The following GPR139 variants were observed in gnomAD, a reference collection of about 807,000 sequenced individuals.
GPR139 encodes the protein probable G protein-coupled receptor 139.
A neutral mutation model predicts 25.8 loss-of-function variants in GPR139; 12 were observed. That is an observed-to-expected ratio of 0.47 (90% CI 0.30 to 0.75). The LOEUF is 0.75. Among genes scored for constraint, GPR139 ranks in the 30% least tolerant of loss-of-function variants. GPR139 has a pLI of 0.07. For synonymous variants in GPR139, 184 were observed against 179.9 expected (o/e 1.02, Z -0.18); for missense variants, 380 against 450.2 (o/e 0.84, Z 1.41).
intron 1 of GPR139, among the ~76,000 whole-genome samples, chr16:20,038,455 G>A (rs1172562258): frequency 1.3e-5 from 2 of 150,638 alleles, no homozygotes; most frequent in East Asian, 2.0e-4. Context: ...TCTCCATATC[G>A]AAGCTCTTTA....
chr16:20,061,323 G>A (rs1329966938), intron 1 of GPR139, among the ~76,000 whole-genome samples: 5 of 151,050 alleles, frequency 3.3e-5, no homozygotes, highest in African/African-American at 9.7e-5. Flanking sequence ...GGATAGATGC[G>A]TGGATGGATG....
intron 1 of GPR139, among the ~76,000 whole-genome samples, chr16:20,071,311 GCCTT>G (rs1485886207): frequency 6.6e-6 from 1 of 152,208 alleles, no homozygotes; most frequent in African/African-American, 2.4e-5. Flanking sequence ...CTTTGAACCA[GCCTT>G]GTGGGCTGTT....
At chr16:20,071,057 T>C (rs2057457845) in intron 1 of GPR139, 5 of 942,300 alleles carry the variant, frequency 5.3e-6, no homozygotes, top group Non-Finnish European at 6.3e-6. Context: ...AATAAATGAA[T>C]GTCAGGCACC....
At chr16:20,061,935 G>A (rs950072761) in intron 1 of GPR139, among the ~76,000 whole-genome samples, 4 of 152,108 alleles carry the variant, frequency 2.6e-5, no homozygotes, top group South Asian at 2.1e-4. Flanking sequence ...ATGCATCCCC[G>A]GGGAATTTCC....
chr16:20,064,723 T>C (rs1159371914), intron 1 of GPR139, among the ~76,000 whole-genome samples: 1 of 152,188 alleles, frequency 6.6e-6, no homozygotes, highest in Non-Finnish European at 1.5e-5. Context: ...ATAGGAACAC[T>C]GAGGCTCCGA....
chr16:20,050,927 G>A (rs1380982669), intron 1 of GPR139, among the ~76,000 whole-genome samples: 1 of 151,956 alleles, frequency 6.6e-6, no homozygotes, highest in East Asian at 1.9e-4. Context: ...GCCAGGTGCA[G>A]TGTCAAGTGC....
At chr16:20,066,042 T>G (rs992476588) in intron 1 of GPR139, among the ~76,000 whole-genome samples, 2 of 152,166 alleles carry the variant, frequency 1.3e-5, no homozygotes, top group Admixed American at 6.5e-5. Flanking sequence ...AAAATAGAGA[T>G]GAGGAGAGCC....
intron 1 of GPR139, among the ~76,000 whole-genome samples, chr16:20,041,394 G>C (rs1401060208): frequency 6.6e-6 from 1 of 151,488 alleles, no homozygotes; most frequent in African/African-American, 2.4e-5. Flanking sequence ...GTGCTCCAAG[G>C]ATGGATTTTT....
chr16:20,067,674 C>T (rs1002256561), intron 1 of GPR139, among the ~76,000 whole-genome samples: 2 of 151,990 alleles, frequency 1.3e-5, no homozygotes, highest in African/African-American at 4.8e-5. Flanking sequence ...CATGGTGGCG[C>T]ATGCCTGTAA....
intron 1 of GPR139, among the ~76,000 whole-genome samples, chr16:20,051,180 T>A (rs1276921956): frequency 6.6e-6 from 1 of 152,152 alleles, no homozygotes; most frequent in African/African-American, 2.4e-5. Flanking sequence ...GAACAGAGGA[T>A]TCTGTATACC....
rs535121605 is a variant in GPR139 at position 20,029,518 on chromosome 16, C to T, written c.*2217G>A. Among the ~76,000 whole-genome samples, 26 of 150,714 alleles carry T rather than the reference C, an allele frequency of 1.7e-4. No homozygotes were observed. Among genetic ancestry groups the T allele is most frequent in the East Asian group, 5.9e-4 (3 of 5,128 alleles). ...ATATATATATATTCAGTATAGGTAGCCTTTGGTCAATGTCCATTCATAAGG... is the reference window on the plus strand; with the variant it reads ...ATATATATATATTCAGTATAGGTAGTCTTTGGTCAATGTCCATTCATAAGG... On this transcript the variant is annotated 3_prime_UTR_variant, in exon 2 of 2. Coordinates refer to ENST00000570682, the MANE Select transcript of GPR139 (RefSeq NM_001002911.4).
rs892571185 is a variant in GPR139 at position 20,073,058 on chromosome 16, G to C, written c.127+432C>G. ...GCAGAGGGGCAGAGGTGCCCCAAGTGGGGTGGACGTGCAGGGGCCACGGGA... is the reference window on the plus strand; with the variant it reads ...GCAGAGGGGCAGAGGTGCCCCAAGTCGGGTGGACGTGCAGGGGCCACGGGA... On this transcript the variant is annotated intron_variant, in intron 1 of 1. Transcript: ENST00000570682. The surrounding 1 kb of genome is among the most constrained non-coding windows in gnomAD (Gnocchi z 4.7). Among the ~76,000 whole-genome samples, 1 of 152,176 alleles carries C rather than the reference G, an allele frequency of 6.6e-6. No individual in the cohort carries two copies. The highest frequency in any genetic ancestry group is 2.4e-5 in the African/African-American group (1 of 41,444).
chr16:20,040,926 C>T (rs1265247949), intron 1 of GPR139, among the ~76,000 whole-genome samples: 1 of 151,818 alleles, frequency 6.6e-6, no homozygotes, highest in African/African-American at 2.4e-5. Flanking sequence ...GAGTCACCTT[C>T]TACAAATCCT....
chr16:20,038,555 C>T (rs1161331797), intron 1 of GPR139, among the ~76,000 whole-genome samples: 1 of 152,118 alleles, frequency 6.6e-6, no homozygotes, highest in Non-Finnish European at 1.5e-5. Flanking sequence ...TTTGACATTT[C>T]CTTAAGTTTC....
In GPR139 at chr16:20,073,373, C is replaced by G. The variant is rs1305215483; in HGVS notation, c.127+117G>C. The stretch of plus-strand genomic sequence containing the variant: ...GAAATATCCATAGTTGCCCTTAAAG[C>G]TTAAACTTTTTCCGAGGGGGCGCCA... On this transcript the variant is annotated intron_variant, in intron 1 of 1. Coordinates refer to ENST00000570682, the MANE Select transcript of GPR139 (RefSeq NM_001002911.4). This position sits in a 1 kb window ranked among gnomAD's most constrained non-coding sequence, Gnocchi z 4.7. 6.8e-7 allele frequency: 1 copy of G among 1,463,002 alleles called. No individual in the cohort carries two copies. Among genetic ancestry groups the G allele is most frequent in the Non-Finnish European group, 9.3e-7 (1 of 1,075,034 alleles). The allele number at this position is 1,463,002 out of a possible 1,614,324, so 90.6% of individuals were successfully genotyped here.
At chr16:20,042,201 A>G (rs2057338839) in intron 1 of GPR139, among the ~76,000 whole-genome samples, 1 of 152,236 alleles carries the variant, frequency 6.6e-6, no homozygotes, top group African/African-American at 2.4e-5. Flanking sequence ...ATGAAATAAT[A>G]TAGGCACAAT....
intron 1 of GPR139, among the ~76,000 whole-genome samples, chr16:20,039,077 T>C (rs944721482): frequency 3.3e-5 from 5 of 152,204 alleles, no homozygotes; most frequent in African/African-American, 1.2e-4. Context: ...ATCCTTTCTG[T>C]CAATGGTGTC....
At chr16:20,071,164 G>T in intron 1 of GPR139, 1 of 193,518 alleles carries the variant, frequency 5.2e-6, no homozygotes, top group Non-Finnish European at 9.5e-6. Flanking sequence ...CCATTTTACT[G>T]CTGTGGAAAC....
rs1162103335 is a variant in GPR139, at chr16:20,073,826, CGCGGGGCGCAGGGT to C, written c.-224_-211del. 11 of 596,776 alleles carry C rather than the reference CGCGGGGCGCAGGGT, an allele frequency of 1.8e-5. No homozygotes were observed. The highest frequency in any genetic ancestry group is 2.9e-5 in the South Asian group (1 of 34,522). The allele number at this position is 596,776 out of a possible 1,614,324, so 37.0% of individuals were successfully genotyped here. On this transcript the variant is annotated 5_prime_UTR_variant, in exon 1 of 2. Transcript: ENST00000570682. The surrounding 1 kb of genome is among the most constrained non-coding windows in gnomAD (Gnocchi z 4.7). Reference sequence around the variant, plus strand: ...GTCTTGGCTCAGCCCTCCCGCAGGGCGCGGGGCGCAGGGTGCGGGGCGCGCTGCGCGGGGCCTCG... The same window carrying C: ...GTCTTGGCTCAGCCCTCCCGCAGGGCGCGGGGCGCGCTGCGCGGGGCCTCG...
Sources: allele counts gnomAD v4.1 joint callset (sites outside exome capture counted in the v4.1 genomes callset), GRCh38; gene constraint gnomAD v4.1.1; non-coding constraint Gnocchi (gnomAD v3.1); transcripts MANE v1.5; gene names NCBI Gene and HGNC (gene_info 2026-07-23, HGNC 2026-07-21).